The following CTBP1 variants were observed in gnomAD, a reference collection of about 807,000 sequenced individuals.
The protein encoded by CTBP1 is C-terminal binding protein 1.
CTBP1 carries 11 observed loss-of-function variants against 42.1 expected under a neutral mutation model. That is an observed-to-expected ratio of 0.26 (90% confidence interval 0.16 to 0.43). The LOEUF (loss-of-function observed/expected upper bound fraction) is 0.43, where lower values mean the gene tolerates loss of function less well. Ranked by LOEUF, CTBP1 falls within the 20% of genes least tolerant of loss-of-function variation. CTBP1 has a pLI of 1.00. For synonymous variants in CTBP1, 324 were observed against 277.1 expected (o/e 1.17, Z -1.68); for missense variants, 399 against 624.3 (o/e 0.64, Z 3.85).
rs201553288 is a variant in CTBP1 at position 1,213,539 on chromosome 4, G to A, written c.927C>T (p.Ser309=). The A allele has an allele frequency of 2.9e-5, 47 of 1,613,170 alleles. No individual in the cohort carries two copies. The highest frequency in any genetic ancestry group is 2.5e-4 in the Admixed American group (15 of 60,012). ...LICTPHAAWY[S]EQASIEMREE... is the part of the protein sequence containing the mutation. Reference sequence around the variant, plus strand: ...CTCGCATCTCGATGGATGCCTGCTCGCTGTACCATGCAGCATGGGGGGTGC... The same window carrying A: ...CTCGCATCTCGATGGATGCCTGCTCACTGTACCATGCAGCATGGGGGGTGC... Residue 309 remains serine, a synonymous_variant, in exon 8 of 10, where the codon AGC becomes AGT. Coordinates refer to ENST00000382952, the MANE Select transcript of CTBP1 (RefSeq NM_001012614.2).
rs764105674 is a variant in CTBP1 at position 1,241,463 on chromosome 4, T to G, written c.-132A>C. ...CGTCCTTAATTGTCTCGAGCCAAAG[T>G]GCTCAGGCTTCTGATCCGCGGCAAT... On this transcript the variant is annotated 5_prime_UTR_variant, in exon 2 of 10. Transcript: ENST00000382952. The G allele has an allele frequency of 6.2e-7, 1 of 1,601,122 alleles. No homozygotes were observed. The highest frequency in any genetic ancestry group is 1.1e-5 in the South Asian group (1 of 90,744).
chr4:1,229,931 G>A lies in CTBP1; in HGVS notation c.163-1588C>T, dbSNP rs534208781. 2.6e-5 allele frequency among the ~76,000 whole-genome samples: 4 copies of A among 152,322 alleles called. 1 individual carries two copies. Among genetic ancestry groups the A allele is most frequent in the Admixed American group, 2.6e-4 (4 of 15,312 alleles). On this transcript the variant is annotated intron_variant, in intron 3 of 9. Transcript: ENST00000382952. ...TGGGCAGCAGGGGAGGGGAGCCCTGGGCTAGCCTGGGCATTCTCCAGGAAG... is the reference window on the plus strand; with the variant it reads ...TGGGCAGCAGGGGAGGGGAGCCCTGAGCTAGCCTGGGCATTCTCCAGGAAG...
At chr4:1,246,775 C>T (rs1357658687) in intron 1 of CTBP1, among the ~76,000 whole-genome samples, 2 of 152,236 alleles carry the variant, frequency 1.3e-5, no homozygotes, top group African/African-American at 2.4e-5. Flanking sequence ...AGGGAAGAGA[C>T]TGGGCCTCTC....
chr4:1,214,912 G>A (rs948906875), intron 6 of CTBP1, among the ~76,000 whole-genome samples: 3 of 152,268 alleles, frequency 2.0e-5, no homozygotes, highest in Non-Finnish European at 4.4e-5. Flanking sequence ...CAACCCCAGC[G>A]GGGCCTGCAG....
At chr4:1,247,728 C>T (rs1196287641) in intron 1 of CTBP1, among the ~76,000 whole-genome samples, 2 of 149,518 alleles carry the variant, frequency 1.3e-5, no homozygotes, top group African/African-American at 4.9e-5. Flanking sequence ...GACGTGTGCT[C>T]CCTGCCGCGC....
intron 2 of CTBP1, among the ~76,000 whole-genome samples, chr4:1,239,705 C>G (rs1436345962): frequency 6.6e-6 from 1 of 152,244 alleles, no homozygotes; most frequent in Non-Finnish European, 1.5e-5. Context: ...GCCGAGGGCT[C>G]CCAGTACGGC....
In CTBP1 at chr4:1,235,951, G is replaced by A. The variant is rs1426870155; in HGVS notation, c.162+2232C>T. ...GGTTTCCTGGACATCAGCAGGCTGG[G>A]TGCCGATCGTGTGGCGCGTCAGAGT... On this transcript the variant is annotated intron_variant, in intron 3 of 9. Transcript: ENST00000382952. The surrounding 1 kb of genome is among the most constrained non-coding windows in gnomAD (Gnocchi z 4.2). 6.6e-6 allele frequency: 1 copy of A among 152,190 alleles called. No individual in the cohort carries two copies. Among genetic ancestry groups the A allele is most frequent in the Admixed American group, 6.5e-5 (1 of 15,278 alleles). 9.4% of individuals were successfully genotyped at this position (152,190 alleles called of 1,614,324 possible).
At chr4:1,219,704 G>A (rs1404178386) in intron 5 of CTBP1, among the ~76,000 whole-genome samples, 1 of 152,240 alleles carries the variant, frequency 6.6e-6, no homozygotes, top group African/African-American at 2.4e-5. Flanking sequence ...AAATTCAAGA[G>A]AATCTGTTTT....
At position 1,238,134 on chromosome 4, in the gene CTBP1, T is replaced by TC. The variant is rs781706364; in HGVS notation, c.162+48dup. 2 of 1,610,914 alleles carry TC rather than the reference T, an allele frequency of 1.2e-6. No homozygotes were observed. The highest frequency in any genetic ancestry group is 1.7e-6 in the Non-Finnish European group (2 of 1,178,996). The stretch of plus-strand genomic sequence containing the variant: ...CCTGCCGTGCTCCCGTCCCTCCAAC[T>TC]CCCCCCAACGTGCGGTTCTGCCAGC... On this transcript the variant is annotated intron_variant, in intron 3 of 9. Coordinates refer to ENST00000382952, the MANE Select transcript of CTBP1 (RefSeq NM_001012614.2). This position sits in a 1 kb window ranked among gnomAD's most constrained non-coding sequence, Gnocchi z 5.9.
At chr4:1,226,103 G>A (rs1470121613) in intron 4 of CTBP1, among the ~76,000 whole-genome samples, 2 of 152,108 alleles carry the variant, frequency 1.3e-5, no homozygotes, top group South Asian at 2.1e-4. Flanking sequence ...ACTGAAGCTG[G>A]AGCCATTCCT....
intron 5 of CTBP1, among the ~76,000 whole-genome samples, chr4:1,222,263 C>T (rs958177410): frequency 5.4e-5 from 8 of 149,190 alleles, no homozygotes; most frequent in Non-Finnish European, 8.9e-5. Context: ...GGTGGGCAGC[C>T]GGGGTGGGGT....
intron 8 of CTBP1, 27 bp from the exon 9 acceptor site, chr4:1,213,057 C>A (rs1194707652): frequency 2.5e-6 from 4 of 1,606,512 alleles, no homozygotes; most frequent in Non-Finnish European, 3.4e-6. Flanking sequence ...GAAGGAACAG[C>A]TGTGGCTCTG....
intron 1 of CTBP1, chr4:1,241,866 AG>A: frequency 1.8e-6 from 2 of 1,142,058 alleles, no homozygotes; most frequent in South Asian, 3.8e-5. Context: ...CGGAGGGCAC[AG>A]GGTGTGTGCT....
intron 9 of CTBP1, chr4:1,212,661 C>G (rs559972733): frequency 1.6e-6 from 1 of 609,958 alleles, no homozygotes; most frequent in East Asian, 2.8e-5. Flanking sequence ...ACCCAAAGCC[C>G]CCTCCTCCCA....
At chr4:1,247,558 T>C (rs1732846752) in intron 1 of CTBP1, among the ~76,000 whole-genome samples, 1 of 151,952 alleles carries the variant, frequency 6.6e-6, no homozygotes, top group Admixed American at 6.5e-5. Flanking sequence ...ACCGCAGCTG[T>C]CATCCTCAGC....
At position 1,226,347 on chromosome 4, in the gene CTBP1, G is replaced by C. The variant is rs111922337; in HGVS notation, c.308-781C>G. Among the ~76,000 whole-genome samples, 513 of 152,182 alleles carry C rather than the reference G, an allele frequency of 3.4e-3. 5 individuals carry two copies. Among genetic ancestry groups the C allele is most frequent in the African/African-American group, 0.012 (493 of 41,508 alleles). On this transcript the variant is annotated intron_variant, in intron 4 of 9. Transcript: ENST00000382952. ...GTCCGACTGGCCATCCGTCTCCCTGGGGAGGAGGAGGGGGCAGGAGGCCAG... is the reference window on the plus strand; with the variant it reads ...GTCCGACTGGCCATCCGTCTCCCTGCGGAGGAGGAGGGGGCAGGAGGCCAG...
In CTBP1 at chr4:1,233,453, G is replaced by A. The variant is rs752932160; in HGVS notation, c.162+4730C>T. On this transcript the variant is annotated intron_variant, in intron 3 of 9. Coordinates refer to ENST00000382952, the MANE Select transcript of CTBP1 (RefSeq NM_001012614.2). The surrounding 1 kb of genome is among the most constrained non-coding windows in gnomAD (Gnocchi z 4.6). ...GCTGCAGGTCCTCGCAGGCCACTGC[G>A]TCCTGTGCCCTCCCGGAGCCGCCCT... is the stretch of plus-strand genomic sequence containing the variant. 5.3e-5 allele frequency among the ~76,000 whole-genome samples: 8 copies of A among 152,182 alleles called. No individual in the cohort carries two copies. The highest frequency in any genetic ancestry group is 1.2e-4 in the Non-Finnish European group (8 of 68,024).
chr4:1,239,786 A>G (rs1270087244), intron 2 of CTBP1, among the ~76,000 whole-genome samples: 1 of 152,068 alleles, frequency 6.6e-6, no homozygotes, highest in Non-Finnish European at 1.5e-5. Context: ...CATTCCACCC[A>G]CTTTCCTTCA....
Position 1,214,330 on chromosome 4 carries a change from G to C in CTBP1, c.860+13C>G, listed in dbSNP as rs1322103750. ...AGGGAAGAGCAGGGGGGCGGCACTG[G>C]CCGTGGGGGCACCTGAAGGGTTCCG... On this transcript the variant is annotated intron_variant, in intron 7 of 9. Coordinates refer to ENST00000382952, the MANE Select transcript of CTBP1 (RefSeq NM_001012614.2). The C allele has an allele frequency of 6.5e-7, 1 of 1,542,910 alleles. No homozygotes were observed. The highest frequency in any genetic ancestry group is 2.2e-5 in the Admixed American group (1 of 45,434).
Sources: allele counts gnomAD v4.1 joint callset (sites outside exome capture counted in the v4.1 genomes callset), GRCh38; gene constraint gnomAD v4.1.1; non-coding constraint Gnocchi (gnomAD v3.1); transcripts MANE v1.5; gene names NCBI Gene and HGNC (gene_info 2026-07-23, HGNC 2026-07-21).